The following SORCS3 variants were observed in gnomAD, a reference collection of about 807,000 sequenced individuals.
The protein encoded by SORCS3 is VPS10 domain-containing receptor SorCS3.
In SORCS3, 57 loss-of-function variants were observed where a neutral mutation model predicts 146.3. The ratio of observed to expected loss-of-function variants is 0.39; its 90% CI spans 0.31 to 0.49. The LOEUF is 0.49. Among genes scored for constraint, SORCS3 ranks in the 20% least tolerant of loss-of-function variants. The probability of loss-of-function intolerance (pLI) is 0.92; values close to 1 mark genes in which losing one functional copy is unlikely to be tolerated. For missense variants in SORCS3, 1,341 were observed against 1,575.5 expected (o/e 0.85, Z 2.52); for synonymous variants, 653 against 618.5 (o/e 1.06, Z -0.83).
At chr10:104,748,552 A>T (rs1478070198) in intron 1 of SORCS3, among the ~76,000 whole-genome samples, 1 of 152,180 alleles carries the variant, frequency 6.6e-6, no homozygotes, top group African/African-American at 2.4e-5. Flanking sequence ...GGCCTCAGGG[A>T]TAGGATTCTC....
intron 3 of SORCS3, among the ~76,000 whole-genome samples, chr10:104,948,710 G>A (rs563583755): frequency 2.6e-5 from 4 of 152,338 alleles, no homozygotes; most frequent in South Asian, 4.1e-4. Flanking sequence ...GATTACTGCG[G>A]ATCTGAAGGA....
Position 104,641,850 on chromosome 10 carries a change from G to C in SORCS3, c.523G>C (p.Gly175Arg). 6.4e-7 allele frequency: 1 copy of C among 1,571,144 alleles called. No individual in the cohort carries two copies. Among genetic ancestry groups the C allele is most frequent in the Non-Finnish European group, 8.6e-7 (1 of 1,161,486 alleles). The change falls in exon 1 of 27, where the codon GGG (glycine) becomes CGG (arginine). Residue 175 changes from glycine (G) to arginine (R), a missense_variant. Transcript: ENST00000369701. This position sits in a 1 kb window ranked among gnomAD's most constrained non-coding sequence, Gnocchi z 6.4. ...REEVKAPRAG[G>R]SAAEDLRLPS... ...GGAGGTGAAGGCGCCGCGGGCTGGG[G>C]GGTCGGCGGCTGAAGACCTCCGGCT... is the stretch of plus-strand genomic sequence containing the variant.
At position 105,245,024 on chromosome 10, in the gene SORCS3, G is replaced by A. The variant is rs200734684; in HGVS notation, c.2869-518G>A. On this transcript the variant is annotated intron_variant, in intron 20 of 26. Transcript: ENST00000369701. ...GCGGAGGTTGCAGTGAGCCGAGATCGCATCATTGCACTGCAGCCTGGGCGG... is the reference window on the plus strand; with the variant it reads ...GCGGAGGTTGCAGTGAGCCGAGATCACATCATTGCACTGCAGCCTGGGCGG... Among the ~76,000 whole-genome samples the A allele has an allele frequency of 2.4e-4, 35 of 144,080 alleles. No homozygotes were observed. In the East Asian group the frequency reaches 4.4e-3, roughly 18 times the overall value. The allele number at this position is 144,080 out of a possible 152,430, so 94.5% of individuals were successfully genotyped here.
chr10:105,154,668 C>T (rs1045338063), intron 9 of SORCS3, among the ~76,000 whole-genome samples: 1 of 152,198 alleles, frequency 6.6e-6, no homozygotes, highest in Non-Finnish European at 1.5e-5. Context: ...AGTAAAAACG[C>T]ATGTCTCATT....
intron 3 of SORCS3, among the ~76,000 whole-genome samples, chr10:104,945,079 A>G (rs922075065): frequency 3.3e-5 from 5 of 152,208 alleles, no homozygotes; most frequent in African/African-American, 1.2e-4. Context: ...GAGCCATAAA[A>G]CGTCATAGAG....
intron 3 of SORCS3, among the ~76,000 whole-genome samples, chr10:104,945,573 T>C (rs2019362200): frequency 6.6e-6 from 1 of 151,800 alleles, no homozygotes; most frequent in African/African-American, 2.4e-5. Flanking sequence ...GTTCTTTTTT[T>C]TTTTTTTTTT....
intron 4 of SORCS3, among the ~76,000 whole-genome samples, 169 bp downstream of exon 4, chr10:104,977,662 C>G (rs1411198893): frequency 3.3e-5 from 5 of 151,512 alleles, no homozygotes; most frequent in African/African-American, 1.2e-4. Context: ...CCTTTCTGCT[C>G]TTAAGTATCA....
intron 4 of SORCS3, among the ~76,000 whole-genome samples, chr10:105,041,927 G>A (rs974319678): frequency 1.3e-5 from 2 of 152,030 alleles, no homozygotes; most frequent in Non-Finnish European, 2.9e-5. Context: ...GATAAACTTG[G>A]GTCATGATTC....
chr10:104,754,282 A>G (rs1274560425), intron 1 of SORCS3, among the ~76,000 whole-genome samples: 1 of 152,038 alleles, frequency 6.6e-6, no homozygotes, highest in East Asian at 1.9e-4. Context: ...TGCTACATCA[A>G]AATCATCCGG....
chr10:104,755,340 A>G (rs766701374), intron 1 of SORCS3, among the ~76,000 whole-genome samples: 4 of 152,178 alleles, frequency 2.6e-5, no homozygotes, highest in Admixed American at 1.3e-4. Flanking sequence ...TTGCAGGGAG[A>G]TATAACTGAG....
At chr10:105,141,775 G>T (rs1285383502) in intron 8 of SORCS3, among the ~76,000 whole-genome samples, 2 of 152,180 alleles carry the variant, frequency 1.3e-5, no homozygotes, top group Admixed American at 6.5e-5. Context: ...GAGGGCATGG[G>T]GCAGGTGATA....
At chr10:105,169,833 A>C (rs924209357) in intron 13 of SORCS3, among the ~76,000 whole-genome samples, 19 of 152,118 alleles carry the variant, frequency 1.2e-4, no homozygotes, top group Admixed American at 3.9e-4. Context: ...AATGTTTCTT[A>C]GCTCCCATCA....
chr10:104,866,056 T>C (rs1367626114), intron 2 of SORCS3, among the ~76,000 whole-genome samples: 2 of 152,140 alleles, frequency 1.3e-5, no homozygotes, highest in African/African-American at 4.8e-5. Context: ...AGAACAGAGC[T>C]GAAAAGTGAA....
intron 14 of SORCS3, among the ~76,000 whole-genome samples, chr10:105,184,443 C>T (rs1347261735): frequency 3.3e-5 from 5 of 152,184 alleles, no homozygotes; most frequent in East Asian, 3.8e-4. Context: ...AGACATGGCC[C>T]GTGGGTTGTA....
At chr10:105,241,466 T>C (rs966431753) in intron 20 of SORCS3, among the ~76,000 whole-genome samples, 1 of 152,190 alleles carries the variant, frequency 6.6e-6, no homozygotes, top group African/African-American at 2.4e-5. Context: ...TGTTAGCAGC[T>C]CAGTTGGCCC....
chr10:104,675,753 A>G (rs998821027), intron 1 of SORCS3, among the ~76,000 whole-genome samples: 1 of 152,218 alleles, frequency 6.6e-6, no homozygotes, highest in Admixed American at 6.5e-5. Flanking sequence ...CACTGTGTCA[A>G]TACTGTAGCT....
At chr10:104,682,718 A>G (rs1036139124) in intron 1 of SORCS3, among the ~76,000 whole-genome samples, 2 of 152,216 alleles carry the variant, frequency 1.3e-5, no homozygotes, top group African/African-American at 4.8e-5. Context: ...TTATTTTGCT[A>G]AAATCATTGA....
chr10:105,242,640 A>ATATATATT lies in SORCS3; in HGVS notation c.2869-2895_2869-2894insTTATATAT, dbSNP rs2056837999. Among the ~76,000 whole-genome samples the ATATATATT allele has an allele frequency of 9.8e-4, 82 of 83,676 alleles. 2 individuals carry two copies. The highest frequency in any genetic ancestry group is 1.4e-3 in the Admixed American group (8 of 5,772). The allele number at this position is 83,676 out of a possible 152,430, so 54.9% of individuals were successfully genotyped here. On this transcript the variant is annotated intron_variant, in intron 20 of 26. Transcript: ENST00000369701. ...TATTTATATATATTTATATACATTT[A>ATATATATT]TATATATATTTATATACATTTATAT...
intron 4 of SORCS3, among the ~76,000 whole-genome samples, chr10:105,006,094 A>G (rs1159527802): frequency 2.0e-5 from 3 of 152,158 alleles, no homozygotes; most frequent in Admixed American, 6.5e-5. Flanking sequence ...GGCACATGCC[A>G]TCACACCCAG....
Sources: gnomAD v4.1 joint callset for allele counts (sites outside exome capture counted in the v4.1 genomes callset) on GRCh38, gnomAD v4.1.1 for gene constraint, Gnocchi (gnomAD v3.1) non-coding constraint, MANE v1.5 for transcripts, NCBI Gene and HGNC (gene_info 2026-07-23, HGNC 2026-07-21) for gene names.